DDAH1: variants seen among roughly 807,000 people sequenced by gnomAD.
DDAH1 encodes dimethylarginine dimethylaminohydrolase 1.
DDAH1 carries 19 observed loss-of-function variants against 28.8 expected under a neutral mutation model. The observed-to-expected ratio is 0.66, with a 90% CI of 0.46 to 0.97. The LOEUF (loss-of-function observed/expected upper bound fraction) is 0.97, where lower values mean the gene tolerates loss of function less well. DDAH1 is among the 50% of genes least tolerant of loss of function. The pLI is 0.00. For synonymous variants in DDAH1, 153 were observed against 154.4 expected (o/e 0.99, Z 0.07); for missense variants, 326 against 375.9 (o/e 0.87, Z 1.10).
At chr1:85,336,038 AG>A (rs1648096817) in intron 4 of DDAH1, among the ~76,000 whole-genome samples, 1 of 152,010 alleles carries the variant, frequency 6.6e-6, no homozygotes, top group Admixed American at 6.6e-5. Context: ...TTAGATCTAA[AG>A]GGAGAGACAG....
At chr1:85,476,393 A>G (rs552675563) in intron 2 of DDAH1, among the ~76,000 whole-genome samples, 1 of 152,206 alleles carries the variant, frequency 6.6e-6, no homozygotes, top group African/African-American at 2.4e-5. Context: ...TCTGATCCAC[A>G]TGGAGTCCAC....
chr1:85,374,877 T>C (rs1365145168), intron 1 of DDAH1, among the ~76,000 whole-genome samples: 1 of 152,138 alleles, frequency 6.6e-6, no homozygotes, highest in Non-Finnish European at 1.5e-5. Flanking sequence ...TCTTTTGTTG[T>C]TAGGTAACTG....
chr1:85,483,338 G>A (rs1235330078), intron 2 of DDAH1, among the ~76,000 whole-genome samples: 1 of 152,012 alleles, frequency 6.6e-6, no homozygotes, highest in Admixed American at 6.6e-5. Context: ...CAGAGAGGAT[G>A]TTACGTTGTA....
chr1:85,546,091 A>G (rs1658614043), intron 1 of DDAH1, among the ~76,000 whole-genome samples: 1 of 151,862 alleles, frequency 6.6e-6, no homozygotes, highest in Admixed American at 6.6e-5. Flanking sequence ...TGCTGAGTAC[A>G]AGTTTATGAC....
chr1:85,365,996 C>T (rs1462232540), intron 1 of DDAH1, among the ~76,000 whole-genome samples: 1 of 151,638 alleles, frequency 6.6e-6, no homozygotes, highest in Non-Finnish European at 1.5e-5. Context: ...ATGTTCTGAT[C>T]TTCTGTTTTG....
intron 4 of DDAH1, among the ~76,000 whole-genome samples, chr1:85,328,732 A>G (rs1170892404): frequency 1.3e-5 from 2 of 152,256 alleles, no homozygotes; most frequent in Non-Finnish European, 2.9e-5. Flanking sequence ...GATCCTTAGA[A>G]CATGTATACA....
rs1385394246 is a variant in DDAH1 at position 85,554,275 on chromosome 1, A to C, written c.-123+23709T>G. 4.1e-5 allele frequency among the ~76,000 whole-genome samples: 3 copies of C among 74,058 alleles called. No individual in the cohort carries two copies. The East Asian group carries it at 1.8e-3, about 45-fold the overall frequency. The allele number at this position is 74,058 out of a possible 152,430, so 48.6% of individuals were successfully genotyped here. Reference sequence around the variant, plus strand: ...GTTTTCCTAAAAAGGAAATTGTAAGAGTTTTTTTTTTTTTTTTTTTTTTAA... The same window carrying C: ...GTTTTCCTAAAAAGGAAATTGTAAGCGTTTTTTTTTTTTTTTTTTTTTTAA... On this transcript the variant is annotated intron_variant, in intron 1 of 6. Transcript: ENST00000426972.
chr1:85,358,448 G>A (rs1230334442), intron 2 of DDAH1, among the ~76,000 whole-genome samples: 2 of 152,068 alleles, frequency 1.3e-5, no homozygotes, highest in Non-Finnish European at 2.9e-5. Context: ...TCAGGAGTTT[G>A]AGACCAGCCT....
chr1:85,360,478 GA>G (rs1355119797), intron 1 of DDAH1, among the ~76,000 whole-genome samples: 1 of 152,168 alleles, frequency 6.6e-6, no homozygotes, highest in East Asian at 1.9e-4. Flanking sequence ...ATGAACCCAG[GA>G]AAACACAACT....
chr1:85,446,148 A>T (rs1372066424), intron 1 of DDAH1, among the ~76,000 whole-genome samples: 1 of 152,174 alleles, frequency 6.6e-6, no homozygotes, highest in Non-Finnish European at 1.5e-5. Context: ...TCATACTGCT[A>T]TGAATTGCCT....
chr1:85,544,776 G>T (rs6700788), intron 1 of DDAH1, among the ~76,000 whole-genome samples: 149,852 of 152,216 alleles, frequency 0.98, 73,807 homozygotes, highest in Middle Eastern at 1. Context: ...GAAACTGCTC[G>T]TGGCCTCCAC....
intron 1 of DDAH1, among the ~76,000 whole-genome samples, chr1:85,504,804 G>A (rs1274846729): frequency 1.3e-5 from 2 of 152,016 alleles, no homozygotes; most frequent in African/African-American, 4.8e-5. Flanking sequence ...TGATGGCAAT[G>A]TTTCCCAGGG....
intron 1 of DDAH1, among the ~76,000 whole-genome samples, chr1:85,535,150 G>C (rs1658230973): frequency 6.6e-6 from 1 of 152,016 alleles, no homozygotes; most frequent in Admixed American, 6.6e-5. Context: ...TCAAATCCTT[G>C]GTTTACAACA....
At chr1:85,502,666 C>T (rs374570798) in intron 1 of DDAH1, among the ~76,000 whole-genome samples, 8 of 152,332 alleles carry the variant, frequency 5.3e-5, no homozygotes, top group South Asian at 2.1e-4. Flanking sequence ...CTATCCCCAC[C>T]GCCACCACCA....
At chr1:85,501,445 C>A (rs1224019120) in intron 1 of DDAH1, among the ~76,000 whole-genome samples, 1 of 152,192 alleles carries the variant, frequency 6.6e-6, no homozygotes, top group African/African-American at 2.4e-5. Flanking sequence ...TGCCACCAGA[C>A]TTTGTAGAGT....
At chr1:85,546,679 T>C (rs537542167) in intron 1 of DDAH1, among the ~76,000 whole-genome samples, 1 of 152,232 alleles carries the variant, frequency 6.6e-6, no homozygotes, top group East Asian at 1.9e-4. Context: ...ATTAAACTGG[T>C]AATTACTTAT....
At chr1:85,359,498 TGTCA>T (rs1371906226) in intron 1 of DDAH1, among the ~76,000 whole-genome samples, 2 of 152,218 alleles carry the variant, frequency 1.3e-5, no homozygotes, top group African/African-American at 4.8e-5. Flanking sequence ...TTAAATCTTA[TGTCA>T]GTCATTTAGT....
In DDAH1 at chr1:85,481,098, G is replaced by GGT. The variant is rs1442100920; in HGVS notation, c.-7+15067_-7+15068insAC. 2.7e-3 allele frequency among the ~76,000 whole-genome samples: 304 copies of GGT among 113,462 alleles called. 2 individuals are homozygous for GGT. Among genetic ancestry groups the GGT allele is most frequent in the Admixed American group, 4.8e-3 (48 of 10,066 alleles). 74.4% of individuals were successfully genotyped at this position (113,462 alleles called of 152,430 possible). A position where few individuals can be genotyped will look rare whatever the true frequency, so the allele number is the denominator to read the frequency against. On this transcript the variant is annotated intron_variant, in intron 2 of 6. Coordinates refer to the DDAH1 transcript ENST00000426972. ...TAAAAATCATTTCTTTGGGTTTTTT[G>GGT]TTTTTTTTTTTTTTTTTGAGATGGA...
chr1:85,348,454 C>A lies in DDAH1; in HGVS notation c.597+1961G>T, dbSNP rs141316036. ...TGTCTTCCTCACTGTTAAGTTCCTACTTCTTCAGATCTCACCTGCCCCTTC... is the reference window on the plus strand; with the variant it reads ...TGTCTTCCTCACTGTTAAGTTCCTAATTCTTCAGATCTCACCTGCCCCTTC... On this transcript the variant is annotated intron_variant, in intron 4 of 5. Coordinates refer to ENST00000284031, the MANE Select transcript of DDAH1 (RefSeq NM_012137.4). 9.8e-5 allele frequency among the ~76,000 whole-genome samples: 15 copies of A among 152,330 alleles called. No individual in the cohort carries two copies. The East Asian group carries it at 2.7e-3, about 27-fold the overall frequency.
Sources: gnomAD v4.1 joint callset for allele counts (sites outside exome capture counted in the v4.1 genomes callset) on GRCh38, gnomAD v4.1.1 for gene constraint, MANE v1.5 for transcripts, NCBI Gene and HGNC (gene_info 2026-07-23, HGNC 2026-07-21) for gene names.